ZNF385B: variants seen among roughly 807,000 people sequenced by gnomAD.
ZNF385B encodes the protein zinc finger protein 385B.
A neutral mutation model predicts 39.2 loss-of-function variants in ZNF385B; 23 were observed. The ratio of observed to expected loss-of-function variants is 0.59; its 90% CI spans 0.42 to 0.83. ZNF385B has a LOEUF of 0.83. Ranked by LOEUF, ZNF385B falls within the 40% of genes least tolerant of loss-of-function variation. The pLI, the probability that ZNF385B is intolerant of heterozygous loss-of-function variation, is 0.00. For synonymous variants in ZNF385B, 205 were observed against 222.6 expected, an observed-to-expected ratio of 0.92 and a Z score of 0.70; for missense variants, 552 against 598.9, an observed-to-expected ratio of 0.92 and a Z score of 0.82.
At chr2:179,692,416 G>A (rs768100930) in intron 3 of ZNF385B, among the ~76,000 whole-genome samples, 2 of 152,038 alleles carry the variant, frequency 1.3e-5, no homozygotes, top group Non-Finnish European at 2.9e-5. Flanking sequence ...CATTCTCTAC[G>A]TGGACTTTAA....
intron 3 of ZNF385B, among the ~76,000 whole-genome samples, chr2:179,560,117 T>C (rs1161471760): frequency 6.6e-6 from 1 of 152,190 alleles, no homozygotes; most frequent in Non-Finnish European, 1.5e-5. Context: ...ATCTGAATAA[T>C]ATTCTTTATA....
chr2:179,625,145 C>A (rs1690546117), intron 3 of ZNF385B, among the ~76,000 whole-genome samples: 2 of 152,140 alleles, frequency 1.3e-5, no homozygotes, highest in African/African-American at 4.8e-5. Flanking sequence ...GACTCACTGT[C>A]TCCTCCATAA....
At chr2:179,804,877 G>T (rs1452370744) in intron 1 of ZNF385B, among the ~76,000 whole-genome samples, 9 of 152,104 alleles carry the variant, frequency 5.9e-5, no homozygotes, top group Non-Finnish European at 1.3e-4. Context: ...TTCTAGTGAA[G>T]CCCTTCTCAT....
intron 3 of ZNF385B, among the ~76,000 whole-genome samples, chr2:179,663,534 A>C (rs896923505): frequency 2.6e-5 from 4 of 151,616 alleles, no homozygotes; most frequent in East Asian, 1.9e-4. Flanking sequence ...CATGGTGAAA[A>C]CCCGTCTCTA....
chr2:179,730,680 AC>A (rs1041831740), intron 3 of ZNF385B, among the ~76,000 whole-genome samples: 1 of 152,258 alleles, frequency 6.6e-6, no homozygotes, highest in African/African-American at 2.4e-5. Flanking sequence ...ATAATTTAGT[AC>A]AAAATTTAAG....
At chr2:179,726,741 G>C (rs773022439) in intron 3 of ZNF385B, among the ~76,000 whole-genome samples, 22 of 152,032 alleles carry the variant, frequency 1.4e-4, no homozygotes, top group Non-Finnish European at 2.8e-4. Context: ...TTGTGACAAT[G>C]ATGAGGAGGA....
intron 1 of ZNF385B, among the ~76,000 whole-genome samples, chr2:179,826,729 TTC>T (rs1379214911): frequency 6.6e-6 from 1 of 152,148 alleles, no homozygotes; most frequent in Non-Finnish European, 1.5e-5. Flanking sequence ...TTGCCTGGAT[TTC>T]TCTCACTGCC....
At chr2:179,855,426 A>G (rs1490841990) in intron 1 of ZNF385B, among the ~76,000 whole-genome samples, 1 of 152,228 alleles carries the variant, frequency 6.6e-6, no homozygotes, top group Non-Finnish European at 1.5e-5. Context: ...CTTTGTTAAA[A>G]GACTAAGTCA....
intron 6 of ZNF385B, among the ~76,000 whole-genome samples, chr2:179,471,315 T>A (rs902133588): frequency 6.6e-5 from 10 of 152,290 alleles, no homozygotes; most frequent in African/African-American, 2.4e-4. Context: ...ATTATAAAAA[T>A]AACTTCACAT....
intron 3 of ZNF385B, among the ~76,000 whole-genome samples, chr2:179,550,354 C>T (rs1317510738): frequency 6.7e-6 from 1 of 149,292 alleles, no homozygotes; most frequent in African/African-American, 2.5e-5. Context: ...AAACCCAAAT[C>T]AAATAGAATG....
At chr2:179,667,542 G>T (rs1695329265) in intron 3 of ZNF385B, among the ~76,000 whole-genome samples, 1 of 152,114 alleles carries the variant, frequency 6.6e-6, no homozygotes, top group African/African-American at 2.4e-5. Flanking sequence ...GACTGGACCA[G>T]GTGTGGGTCA....
At chr2:179,464,849 C>T (rs896317088) in intron 6 of ZNF385B, among the ~76,000 whole-genome samples, 3 of 151,536 alleles carry the variant, frequency 2.0e-5, no homozygotes, top group South Asian at 4.2e-4. Context: ...TTGGATAAAA[C>T]CTCTTTCCTA....
At position 179,701,321 on chromosome 2, in the gene ZNF385B, A is replaced by G. The variant is rs193253778; in HGVS notation, c.298+68182T>C. 1.9e-3 allele frequency among the ~76,000 whole-genome samples: 286 copies of G among 152,258 alleles called. 1 individual carries two copies. The highest frequency in any genetic ancestry group is 6.8e-3 in the African/African-American group (281 of 41,544). ...CTTTCTCTGTTTCTCATCTTTCTAC[A>G]CATTCTTCTTAAGATGCAATTTATA... On this transcript the variant is annotated intron_variant, in intron 3 of 9. Transcript: ENST00000410066.
At chr2:179,686,970 T>TA (rs980891681) in intron 3 of ZNF385B, among the ~76,000 whole-genome samples, 1 of 151,300 alleles carries the variant, frequency 6.6e-6, no homozygotes, top group African/African-American at 2.4e-5. Context: ...TACTGTTTTT[T>TA]TTTTTTTCAA....
chr2:179,471,215 A>G (rs1348891825), intron 6 of ZNF385B, among the ~76,000 whole-genome samples: 1 of 152,074 alleles, frequency 6.6e-6, no homozygotes, highest in African/African-American at 2.4e-5. Context: ...AAACTATGAA[A>G]CTCACAATAA....
In ZNF385B at chr2:179,619,691, C is replaced by T. The variant is rs188580144; in HGVS notation, c.299-74722G>A. Among the ~76,000 whole-genome samples, 400 of 152,260 alleles carry T rather than the reference C, an allele frequency of 2.6e-3. 3 individuals are homozygous for T. The highest frequency in any genetic ancestry group is 9.1e-3 in the African/African-American group (380 of 41,558). ...AAAAGGTAGATTTTCTTATGGGGAACGAGGCATGTTCTTACTATAAACCAG... is the reference window on the plus strand; with the variant it reads ...AAAAGGTAGATTTTCTTATGGGGAATGAGGCATGTTCTTACTATAAACCAG... On this transcript the variant is annotated intron_variant, in intron 3 of 9. Transcript: ENST00000410066.
intron 5 of ZNF385B, among the ~76,000 whole-genome samples, chr2:179,508,107 C>T (rs1364270556): frequency 6.6e-6 from 1 of 152,056 alleles, no homozygotes; most frequent in Non-Finnish European, 1.5e-5. Context: ...TTCCATTCAG[C>T]TTCACTTTTG....
chr2:179,790,794 A>G (rs987736175), intron 1 of ZNF385B, among the ~76,000 whole-genome samples: 1 of 152,192 alleles, frequency 6.6e-6, no homozygotes, highest in East Asian at 1.9e-4. Flanking sequence ...CCTCCTCTGT[A>G]AAAGGAGGAG....
chr2:179,634,231 C>T (rs1300894525), intron 3 of ZNF385B, among the ~76,000 whole-genome samples: 11 of 151,962 alleles, frequency 7.2e-5, no homozygotes, highest in Admixed American at 1.3e-4. Flanking sequence ...AAGAGCTCTG[C>T]ACAGCAAAAG....
Sources: gnomAD v4.1 joint callset for allele counts (sites outside exome capture counted in the v4.1 genomes callset) on GRCh38, gnomAD v4.1.1 for gene constraint, MANE v1.5 for transcripts, NCBI Gene and HGNC (gene_info 2026-07-23, HGNC 2026-07-21) for gene names.